CDCA2: variants seen among roughly 807,000 people sequenced by gnomAD.
The protein encoded by CDCA2 is cell division cycle-associated protein 2.
Under a neutral mutation model 67.0 loss-of-function variants are expected in CDCA2, and 44 were observed. That is an observed-to-expected ratio of 0.66 (90% CI 0.52 to 0.84). CDCA2 has a LOEUF of 0.84. Among genes scored for constraint, CDCA2 ranks in the 40% least tolerant of loss-of-function variants. The pLI, the probability that CDCA2 is intolerant of heterozygous loss-of-function variation, is 0.00. For missense variants in CDCA2, 1,253 were observed against 1,203.2 expected (o/e 1.04, Z -0.61); for synonymous variants, 447 against 418.7 (o/e 1.07, Z -0.82).
In CDCA2 at chr8:25,503,529, C is replaced by T. The variant is rs542979761; in HGVS notation, c.1828C>T (p.Arg610Ter). ...GATGACACCTTCCATTCCGAGCATC[C>T]GAAGACTGGGTTCAGGTATCCTGAC... Reference protein sequence around the residue: ...PEMTPSIPSIRRLGSGYFSSN... With the variant: ...PEMTPSIPSI Residue 610 changes from arginine to a stop codon, truncating the protein, a stop_gained, in exon 14 of 15, where the codon CGA (arginine) becomes TGA (stop). Transcript: ENST00000330560. LOFTEE classifies it low-confidence loss of function (END_TRUNC). The T allele has an allele frequency of 1.2e-5, 20 of 1,608,858 alleles. No homozygotes were observed. Among genetic ancestry groups the T allele is most frequent in the Non-Finnish European group, 1.6e-5 (19 of 1,178,708 alleles).
intron 7 of CDCA2, among the ~76,000 whole-genome samples, chr8:25,475,616 A>G (rs1414621094): frequency 6.6e-6 from 1 of 152,192 alleles, no homozygotes; most frequent in Admixed American, 6.5e-5. Context: ...CTCTGTGGGC[A>G]ATCACTGACC....
intron 14 of CDCA2, among the ~76,000 whole-genome samples, chr8:25,505,554 C>T (rs887243445): frequency 6.6e-6 from 1 of 152,142 alleles, no homozygotes; most frequent in African/African-American, 2.4e-5. Flanking sequence ...TTGGTTGGCA[C>T]TGAGTGGGCA....
chr8:25,473,016 C>G (rs1238698268), intron 7 of CDCA2, among the ~76,000 whole-genome samples: 2 of 152,224 alleles, frequency 1.3e-5, no homozygotes, highest in African/African-American at 2.4e-5. Context: ...TCCTTCCTCA[C>G]CACTTCTACA....
intron 5 of CDCA2, among the ~76,000 whole-genome samples, chr8:25,466,681 A>T (rs1802914065): frequency 6.6e-6 from 1 of 152,176 alleles, no homozygotes; most frequent in Admixed American, 6.5e-5. Flanking sequence ...CTCGGCAAGC[A>T]TTTAGTAAAT....
chr8:25,479,775 G>A, intron 7 of CDCA2, 138 bp from the exon 8 acceptor site: 2 of 737,302 alleles, frequency 2.7e-6, no homozygotes, highest in Middle Eastern at 3.9e-4. Flanking sequence ...AATCCCAGAC[G>A]TTACTGCCCA....
intron 13 of CDCA2, among the ~76,000 whole-genome samples, chr8:25,499,368 A>G (rs1804380778): frequency 7.5e-6 from 1 of 132,870 alleles, no homozygotes; most frequent in African/African-American, 3.0e-5. Flanking sequence ...CAGTGGCTCG[A>G]TCTCAGCTCA....
chr8:25,487,119 G>C, intron 11 of CDCA2, 127 bp from the exon 12 acceptor site: 1 of 618,856 alleles, frequency 1.6e-6, no homozygotes, highest in Non-Finnish European at 2.8e-6. Context: ...TCTGCTGCTT[G>C]GCTCCTCTTT....
chr8:25,464,964 C>T (rs1802840933), intron 4 of CDCA2, among the ~76,000 whole-genome samples: 1 of 151,990 alleles, frequency 6.6e-6, no homozygotes, highest in African/African-American at 2.4e-5. Flanking sequence ...ACTGCTTTTT[C>T]TCCCTGTGAT....
intron 7 of CDCA2, among the ~76,000 whole-genome samples, chr8:25,471,285 T>C (rs1376572696): frequency 6.6e-6 from 1 of 152,184 alleles, no homozygotes; most frequent in East Asian, 1.9e-4. Context: ...GCCTGCATGG[T>C]CCCCCTGCAC....
At chr8:25,480,453 T>C (rs1803526868) in intron 8 of CDCA2, among the ~76,000 whole-genome samples, 2 of 152,292 alleles carry the variant, frequency 1.3e-5, no homozygotes, top group South Asian at 4.1e-4. Flanking sequence ...ATAAGTGATA[T>C]TAATTACTTA....
chr8:25,463,310 A>G (rs541758885), intron 4 of CDCA2, among the ~76,000 whole-genome samples: 2 of 152,130 alleles, frequency 1.3e-5, no homozygotes, highest in Non-Finnish European at 2.9e-5. Context: ...ACATAATGAC[A>G]TTTTGTTCAG....
chr8:25,484,742 G>A (rs1803703689), intron 10 of CDCA2, among the ~76,000 whole-genome samples: 1 of 151,866 alleles, frequency 6.6e-6, no homozygotes. Flanking sequence ...GCTGGGACAT[G>A]GGCACACATC....
rs1356065047 is a variant in CDCA2, at chr8:25,506,631, T to A, written c.1965T>A (p.Asp655Glu). 6.2e-7 allele frequency: 1 copy of A among 1,613,506 alleles called. No homozygotes were observed. The change falls in exon 15 of 15, where the codon GAT becomes GAA. Residue 655 changes from aspartate (D) to glutamate (E), a missense_variant. Physicochemically the swap from Asp to Glu is conservative, Grantham distance 45. Coordinates refer to ENST00000330560, the MANE Select transcript of CDCA2 (RefSeq NM_152562.4). ...LHMHQGYDKY[D>E]VSEFCSYIKS... Reference sequence around the variant, plus strand: ...TGCATCAAGGCTATGATAAATATGATGTCTCTGAATTCTGCTCTTATATAA... The same window carrying A: ...TGCATCAAGGCTATGATAAATATGAAGTCTCTGAATTCTGCTCTTATATAA...
chr8:25,483,738 A>C (rs548363741), intron 9 of CDCA2, among the ~76,000 whole-genome samples: 1 of 152,190 alleles, frequency 6.6e-6, no homozygotes, highest in Non-Finnish European at 1.5e-5. Context: ...ATTAACGTTT[A>C]ATATGCAAAT....
intron 10 of CDCA2, among the ~76,000 whole-genome samples, chr8:25,484,667 C>G (rs1803699675): frequency 6.7e-6 from 1 of 149,740 alleles, no homozygotes; most frequent in African/African-American, 2.5e-5. Context: ...TCATGGCTCA[C>G]TGCAGCCTCA....
chr8:25,507,903 C>A lies in CDCA2; in HGVS notation c.*165C>A. 1.8e-6 allele frequency: 1 copy of A among 551,254 alleles called. No individual in the cohort carries two copies. The highest frequency in any genetic ancestry group is 2.9e-6 in the Non-Finnish European group (1 of 349,276). 34.1% of individuals were successfully genotyped at this position (551,254 alleles called of 1,614,324 possible). On this transcript the variant is annotated 3_prime_UTR_variant, in exon 15 of 15. Coordinates refer to ENST00000330560, the MANE Select transcript of CDCA2 (RefSeq NM_152562.4). ...TTATGTAGAAATAAATAAGTTTCTT[C>A]ATCATTCAGATAGAAAACATTCTAT...
At chr8:25,481,529 A>C (rs1368133777) in intron 8 of CDCA2, among the ~76,000 whole-genome samples, 1 of 152,054 alleles carries the variant, frequency 6.6e-6, no homozygotes, top group East Asian at 1.9e-4. Flanking sequence ...TCTCTACTAA[A>C]AATACAAAAA....
intron 6 of CDCA2, 129 bp from the exon 7 acceptor site, chr8:25,469,767 T>C (rs2117490010): frequency 9.3e-6 from 1 of 107,098 alleles, no homozygotes; most frequent in Non-Finnish European, 1.9e-5. Context: ...GTACACTTTA[T>C]GAGATAATGA....
chr8:25,471,808 A>G (rs145217676), intron 7 of CDCA2, among the ~76,000 whole-genome samples: 1 of 152,342 alleles, frequency 6.6e-6, no homozygotes, highest in East Asian at 1.9e-4. Flanking sequence ...AAATGTTGAA[A>G]TCACACAGGC....
Sources: allele counts gnomAD v4.1 joint callset (sites outside exome capture counted in the v4.1 genomes callset), GRCh38; gene constraint gnomAD v4.1.1; transcripts MANE v1.5; gene names NCBI Gene and HGNC (gene_info 2026-07-23, HGNC 2026-07-21).